The following RANBP3 variants were observed in gnomAD, a reference collection of about 807,000 sequenced individuals.
RANBP3 encodes ran-binding protein 3.
In RANBP3, 14 loss-of-function variants were observed where a neutral mutation model predicts 77.3. That is an observed-to-expected ratio of 0.18 (90% CI 0.12 to 0.28). RANBP3 has a LOEUF of 0.28. Ranked by LOEUF, RANBP3 falls within the 10% of genes least tolerant of loss-of-function variation. RANBP3 has a pLI of 1.00. For synonymous variants in RANBP3, 315 were observed against 312.4 expected (o/e 1.01, Z -0.09); for missense variants, 586 against 752.3 (o/e 0.78, Z 2.59).
chr19:5,947,479 C>T (rs2058221258), intron 3 of RANBP3, among the ~76,000 whole-genome samples: 1 of 152,182 alleles, frequency 6.6e-6, no homozygotes, highest in South Asian at 2.1e-4. Flanking sequence ...GACTCTACTG[C>T]TGCGAGGCGC....
chr19:5,964,742 G>A (rs192929921), intron 1 of RANBP3, among the ~76,000 whole-genome samples: 1 of 151,976 alleles, frequency 6.6e-6, no homozygotes, highest in Admixed American at 6.6e-5. Flanking sequence ...CCAGGTCAGG[G>A]TGGCACATGC....
chr19:5,958,617 T>C lies in RANBP3; in HGVS notation c.23-644A>G, dbSNP rs991735423. Reference sequence around the variant, plus strand: ...TGTAATGCCCACGCAACACCATCTGTCTCCTACCCAGGGGCAGCCAGATCC... The same window carrying C: ...TGTAATGCCCACGCAACACCATCTGCCTCCTACCCAGGGGCAGCCAGATCC... On this transcript the variant is annotated intron_variant, in intron 1 of 16. Transcript: ENST00000340578. The surrounding 1 kb of genome is among the most constrained non-coding windows in gnomAD (Gnocchi z 4.4). 6.6e-6 allele frequency among the ~76,000 whole-genome samples: 1 copy of C among 152,174 alleles called. No homozygotes were observed. The highest frequency in any genetic ancestry group is 6.5e-5 in the Admixed American group (1 of 15,278).
chr19:5,955,930 C>A (rs1339946262), intron 2 of RANBP3, among the ~76,000 whole-genome samples: 2 of 151,946 alleles, frequency 1.3e-5, no homozygotes, highest in South Asian at 2.1e-4. Flanking sequence ...AGCAAGACAC[C>A]ATCTCTAAAA....
Position 5,924,602 on chromosome 19 carries a change from A to C in RANBP3, c.996+225T>G, listed in dbSNP as rs1274929066. Among the ~76,000 whole-genome samples, 1 of 152,268 alleles carries C rather than the reference A, an allele frequency of 6.6e-6. No homozygotes were observed. Among genetic ancestry groups the C allele is most frequent in the Non-Finnish European group, 1.5e-5 (1 of 68,050 alleles). On this transcript the variant is annotated intron_variant, in intron 11 of 16. Coordinates refer to ENST00000340578, the MANE Select transcript of RANBP3 (RefSeq NM_007322.3). This position sits in a 1 kb window ranked among gnomAD's most constrained non-coding sequence, Gnocchi z 4.7. ...TCTTGGGATGAAGTTGGCCCTGGTCAGCACGGAGGAGCCGGGAAAAGCGAA... is the reference window on the plus strand; with the variant it reads ...TCTTGGGATGAAGTTGGCCCTGGTCCGCACGGAGGAGCCGGGAAAAGCGAA...
intron 5 of RANBP3, among the ~76,000 whole-genome samples, chr19:5,938,653 T>A (rs1427042712): frequency 6.6e-6 from 1 of 151,808 alleles, no homozygotes; most frequent in Non-Finnish European, 1.5e-5. Flanking sequence ...GATCGCCCCA[T>A]TGCACTCCAG....
chr19:5,933,860 T>C (rs1262505388), intron 5 of RANBP3: 2 of 172,290 alleles, frequency 1.2e-5, no homozygotes, highest in Admixed American at 6.3e-5. Flanking sequence ...CCCACTTCCC[T>C]TTCCTAGAAG....
chr19:5,929,854 A>C (rs1397169034), intron 8 of RANBP3, among the ~76,000 whole-genome samples: 1 of 152,192 alleles, frequency 6.6e-6, no homozygotes, highest in Non-Finnish European at 1.5e-5. Flanking sequence ...GCATGGCTCC[A>C]CCCCAGACCC....
chr19:5,922,515 C>A (rs2057836122), intron 13 of RANBP3, among the ~76,000 whole-genome samples: 1 of 152,220 alleles, frequency 6.6e-6, no homozygotes, highest in African/African-American at 2.4e-5. Context: ...TGGGGTGGAA[C>A]CTCTGGCCGC....
chr19:5,976,649 C>G (rs1258338586), intron 1 of RANBP3: 2 of 152,282 alleles, frequency 1.3e-5, no homozygotes, highest in African/African-American at 4.8e-5. Context: ...GAGGCTGAGG[C>G]AGGAGAATCA....
intron 5 of RANBP3, among the ~76,000 whole-genome samples, chr19:5,940,315 G>A (rs2058119412): frequency 6.6e-6 from 1 of 152,184 alleles, no homozygotes; most frequent in African/African-American, 2.4e-5. Context: ...CAGTGAGGGG[G>A]AAGGAATAAA....
At chr19:5,925,403 C>T in intron 10 of RANBP3, 3 of 585,582 alleles carry the variant, frequency 5.1e-6, no homozygotes, top group South Asian at 4.0e-5. Flanking sequence ...CCTGGACAAC[C>T]CCACAGAACT....
intron 5 of RANBP3, among the ~76,000 whole-genome samples, chr19:5,935,240 G>A (rs911276789): frequency 6.6e-6 from 1 of 152,230 alleles, no homozygotes; most frequent in Non-Finnish European, 1.5e-5. Context: ...GAGGATTGCA[G>A]CAACCCTTCT....
chr19:5,926,101 T>C (rs1436367406), intron 9 of RANBP3, among the ~76,000 whole-genome samples: 2 of 152,176 alleles, frequency 1.3e-5, no homozygotes, highest in Non-Finnish European at 2.9e-5. Context: ...ATGAACATGA[T>C]AGAAGCAGAA....
chr19:5,951,519 C>T lies in RANBP3; in HGVS notation c.156G>A (p.Thr52=), dbSNP rs749142052. ...GCTCGCCAGCTGACTCGGGGTGACC[C>T]GTGCCATGGTGGGGGGCCTCAGCCT... ...RGEAEAPHHG[T]GHPESAGEHA... is the part of the protein sequence containing the mutation. Residue 52 remains threonine, a synonymous_variant, in exon 3 of 17, where the codon ACG becomes ACA. Transcript: ENST00000340578. 29 of 1,611,576 alleles carry T rather than the reference C, an allele frequency of 1.8e-5. No homozygotes were observed. The South Asian group carries it at 1.9e-4, about 10-fold the overall frequency.
chr19:5,971,282 A>G (rs996144141), intron 1 of RANBP3, among the ~76,000 whole-genome samples: 3 of 152,176 alleles, frequency 2.0e-5, no homozygotes, highest in Admixed American at 1.3e-4. Context: ...ATTATTTTAC[A>G]TTTTGACAAA....
At position 5,924,827 on chromosome 19, in the gene RANBP3, C is replaced by G. The variant is rs1276052997; in HGVS notation, c.996G>C (p.Leu332Phe). Residue 332 changes from leucine (L) to phenylalanine (F), a missense_variant and splice_region_variant, in exon 11 of 17, where the codon TTG becomes TTC. Leu to Phe is a conservative substitution (Grantham distance 22). Transcript: ENST00000340578. The surrounding 1 kb of genome is among the most constrained non-coding windows in gnomAD (Gnocchi z 4.7). ...GAACATTCCCAACACAGCCACTCAC[C>G]AAAACTCGCTCGCTCATGTTCTGGC... ...VFGQNMSERVLSPPKLNEVSS... is the reference protein window; with the variant it reads ...VFGQNMSERVFSPPKLNEVSS... 1 of 1,613,812 alleles carries G rather than the reference C, an allele frequency of 6.2e-7. No individual in the cohort carries two copies. The highest frequency in any genetic ancestry group is 8.5e-7 in the Non-Finnish European group (1 of 1,179,756).
chr19:5,968,850 G>T (rs963512786), intron 1 of RANBP3, among the ~76,000 whole-genome samples: 1 of 152,236 alleles, frequency 6.6e-6, no homozygotes, highest in African/African-American at 2.4e-5. Context: ...GGCAGACAAG[G>T]CCGCAGCTCT....
chr19:5,971,737 G>C (rs1410735066), intron 1 of RANBP3, among the ~76,000 whole-genome samples: 4 of 152,144 alleles, frequency 2.6e-5, no homozygotes, highest in Non-Finnish European at 4.4e-5. Context: ...CAGACCATGA[G>C]GTGCTTTATG....
At chr19:5,926,054 CACA>C (rs1338007003) in intron 9 of RANBP3, among the ~76,000 whole-genome samples, 1 of 152,184 alleles carries the variant, frequency 6.6e-6, no homozygotes, top group Non-Finnish European at 1.5e-5. Context: ...ATACCAATAA[CACA>C]ACGTTACAAA....
Sources: gnomAD v4.1 joint callset for allele counts (sites outside exome capture counted in the v4.1 genomes callset) on GRCh38, gnomAD v4.1.1 for gene constraint, Gnocchi (gnomAD v3.1) non-coding constraint, MANE v1.5 for transcripts, NCBI Gene and HGNC (gene_info 2026-07-23, HGNC 2026-07-21) for gene names.